Variants in RBMX2 observed in about 807,000 individuals in gnomAD.
RBMX2 encodes the protein RNA-binding motif protein, X-linked 2.
For synonymous variants in RBMX2, 77 were observed against 94.3 expected, an observed-to-expected ratio of 0.82 and a Z score of 1.07; for missense variants, 191 against 256.0, an observed-to-expected ratio of 0.75 and a Z score of 1.73.
In RBMX2 at chrX:130,409,499, C is replaced by T. The variant is rs752038481; in HGVS notation, c.303+113C>T. ...CAGCACTTGTGAGCTTGGTGTGTTG[C>T]GGGGGCTGCAGAGATGTGGAGACAC... is the stretch of plus-strand genomic sequence containing the variant. On this transcript the variant is annotated intron_variant, in intron 4 of 5. Coordinates refer to ENST00000305536, the MANE Select transcript of RBMX2 (RefSeq NM_016024.4). The T allele has an allele frequency of 5.8e-5, 47 of 803,860 alleles. No individual in the cohort carries two copies. The Admixed American group carries it at 8.0e-4, about 14-fold the overall frequency. 66.2% of individuals were successfully genotyped at this position (803,860 alleles called of 1,213,427 possible).
At chrX:130,402,066 G>C in intron 1 of RBMX2, 29 bp downstream of exon 1, 2 of 1,195,368 alleles carry the variant, frequency 1.7e-6, no homozygotes, top group African/African-American at 3.5e-5. Context: ...TTTGAGGAAG[G>C]AGCAGCGGGC....
chrX:130,405,509 C>G (rs922602156), intron 3 of RBMX2, among the ~76,000 whole-genome samples: 17 of 111,137 alleles, frequency 1.5e-4, no homozygotes, highest in Non-Finnish European at 2.8e-4. Context: ...TAAGGAAAAC[C>G]TTAATGTTTT....
intron 3 of RBMX2, chrX:130,404,155 C>T (rs1233946724): frequency 3.4e-6 from 1 of 294,337 alleles, no homozygotes; most frequent in African/African-American, 2.6e-5. Flanking sequence ...TCCTTGGGCT[C>T]TTGCAAACTA....
Position 130,412,383 on chromosome X carries a change from A to G in RBMX2, c.504A>G (p.Lys168=). The G allele has an allele frequency of 1.7e-6, 2 of 1,156,728 alleles. No homozygotes were observed. Among genetic ancestry groups the G allele is most frequent in the Non-Finnish European group, 2.3e-6 (2 of 873,465 alleles). ...CAGACAAAAAGGAAAAAAAGAAAAA[A>G]AAGAAAGAAAAAGAGAAAGCCGACC... ...HKKDKKEKKK[K]KKEKEKADRE... Residue 168 remains lysine, a synonymous_variant, in exon 6 of 6, where the codon AAA becomes AAG. Coordinates refer to ENST00000305536, the MANE Select transcript of RBMX2 (RefSeq NM_016024.4).
chrX:130,402,830 G>T (rs1444447838), intron 2 of RBMX2, among the ~76,000 whole-genome samples: 4 of 111,450 alleles, frequency 3.6e-5, no homozygotes, highest in African/African-American at 1.3e-4. Context: ...TCTAGCTCCT[G>T]CTTTCTAGTC....
intron 5 of RBMX2, 67 bp downstream of exon 5, chrX:130,411,592 G>T: frequency 1.0e-6 from 1 of 967,006 alleles, no homozygotes; most frequent in Non-Finnish European, 1.4e-6. Flanking sequence ...TGCATTCACT[G>T]ATAGTTGATA....
intron 2 of RBMX2, 70 bp downstream of exon 2, chrX:130,402,440 T>G: frequency 8.7e-7 from 1 of 1,155,122 alleles, no homozygotes; most frequent in Admixed American, 2.6e-5. Context: ...ATTTCGGCAT[T>G]TTCACCCTTC....
chrX:130,402,225 A>AGC, intron 1 of RBMX2, 30 bp from the exon 2 acceptor site: 128 of 984,560 alleles, frequency 1.3e-4, no homozygotes, highest in Non-Finnish European at 1.6e-4. Flanking sequence ...TTTTCTGCCT[A>AGC]CCCTCCCCAC....
chrX:130,403,761 G>C (rs200481366), intron 2 of RBMX2, 41 bp from the exon 3 acceptor site: 1,046 of 1,159,934 alleles, frequency 9.0e-4, no homozygotes, highest in Non-Finnish European at 1.1e-3. Context: ...GTAAACACTT[G>C]GTAAATGTTG....
intron 3 of RBMX2, among the ~76,000 whole-genome samples, chrX:130,406,518 C>T (rs1174249779): frequency 5.5e-5 from 6 of 109,369 alleles, no homozygotes; most frequent in African/African-American, 2.0e-4. Context: ...TACTAAAATA[C>T]AAAAAGTAGC....
intron 3 of RBMX2, among the ~76,000 whole-genome samples, chrX:130,409,036 T>C: frequency 8.9e-6 from 1 of 112,360 alleles, no homozygotes; most frequent in Non-Finnish European, 1.9e-5. Flanking sequence ...GTGATATTTT[T>C]ATTTTGGCCT....
chrX:130,405,956 G>A (rs1389269224), intron 3 of RBMX2, among the ~76,000 whole-genome samples: 2 of 66,147 alleles, frequency 3.0e-5, no homozygotes, highest in Admixed American at 1.7e-4. Context: ...CCGGGTTCAC[G>A]CCATTCTCCT....
At position 130,405,535 on chromosome X, in the gene RBMX2, C is replaced by G. The variant is rs184358315; in HGVS notation, c.173+1682C>G. ...TTAATGTTTTGGCATATCTCTTTAT[C>G]ATTTTTAAAAAAATGTTGGACATTA... On this transcript the variant is annotated intron_variant, in intron 3 of 5. Transcript: ENST00000305536. 6.4e-3 allele frequency among the ~76,000 whole-genome samples: 702 copies of G among 110,228 alleles called. 7 individuals are homozygous for G. Among genetic ancestry groups the G allele is most frequent in the African/African-American group, 0.021 (655 of 30,808 alleles).
rs757830912 is a variant in RBMX2, at chrX:130,411,516, C to T, written c.472C>T (p.His158Tyr). The T allele has an allele frequency of 2.5e-6, 3 of 1,186,317 alleles. No individual in the cohort carries two copies. The highest frequency in any genetic ancestry group is 1.9e-5 in the South Asian group (1 of 51,913). ...TGAAGATGAAAAACCAACAAAAAAGCACAAAAAAGGTAAAGCATTAAGACT... is the reference window on the plus strand; with the variant it reads ...TGAAGATGAAAAACCAACAAAAAAGTACAAAAAAGGTAAAGCATTAAGACT... ...SSEDEKPTKK[H>Y]KKDKKEKKKK... Residue 158 changes from histidine to tyrosine, a missense_variant, in exon 5 of 6, where the codon CAC becomes TAC. His to Tyr is a moderately conservative substitution (Grantham distance 83). Coordinates refer to ENST00000305536, the MANE Select transcript of RBMX2 (RefSeq NM_016024.4).
intron 2 of RBMX2, 74 bp from the exon 3 acceptor site, chrX:130,403,728 C>T (rs1232031546): frequency 3.1e-6 from 3 of 961,643 alleles, no homozygotes; most frequent in Non-Finnish European, 4.5e-6. Flanking sequence ...ACCCCTAGTG[C>T]CTGGCCTAGT....
intron 2 of RBMX2, among the ~76,000 whole-genome samples, 186 bp from the exon 3 acceptor site, chrX:130,403,616 A>C (rs777637748): frequency 5.4e-5 from 6 of 111,200 alleles, no homozygotes; most frequent in Admixed American, 1.9e-4. Flanking sequence ...CAGGTGATCC[A>C]CCCTCCTCAG....
At chrX:130,404,063 G>A (rs924487158) in intron 3 of RBMX2, 9 of 399,851 alleles carry the variant, frequency 2.3e-5, no homozygotes, top group East Asian at 1.9e-4. Context: ...AATTTGGGAG[G>A]GCATCTTGGG....
rs1166597672 is a variant in RBMX2 at position 130,413,549 on chromosome X, C to T, written c.*701C>T. Among the ~76,000 whole-genome samples, 1 of 110,199 alleles carries T rather than the reference C, an allele frequency of 9.1e-6. No individual in the cohort carries two copies. Among genetic ancestry groups the T allele is most frequent in the Non-Finnish European group, 1.9e-5 (1 of 52,841 alleles). On this transcript the variant is annotated 3_prime_UTR_variant, in exon 6 of 6. Transcript: ENST00000305536. ...AAAATGAAACCCTGTAGCCATTAAA[C>T]AAGAGCTCCCCGTTTCCTCCCTCCT...
chrX:130,403,193 G>C (rs1050668461), intron 2 of RBMX2, among the ~76,000 whole-genome samples: 32 of 112,148 alleles, frequency 2.9e-4, no homozygotes, highest in African/African-American at 9.7e-4. Flanking sequence ...GGAAGCAGAG[G>C]TTTGTGATGG....
Sources: gnomAD v4.1 joint callset for allele counts (sites outside exome capture counted in the v4.1 genomes callset) on GRCh38, gnomAD v4.1.1 for gene constraint, MANE v1.5 for transcripts, NCBI Gene and HGNC (gene_info 2026-07-23, HGNC 2026-07-21) for gene names.